Variants in PLCG2 observed in about 807,000 individuals in gnomAD.
PLCG2 encodes phospholipase C gamma 2.
Under a neutral mutation model 175.6 loss-of-function variants are expected in PLCG2, and 69 were observed. The ratio of observed to expected loss-of-function variants is 0.39; its 90% CI spans 0.32 to 0.48. PLCG2 has a LOEUF of 0.48. PLCG2 is among the 20% of genes least tolerant of loss of function. The probability of loss-of-function intolerance (pLI) is 0.91; values close to 1 mark genes in which losing one functional copy is unlikely to be tolerated. For synonymous variants in PLCG2, 827 were observed against 624.0 expected (o/e 1.33, Z -4.85); for missense variants, 1,798 against 1,650.9 (o/e 1.09, Z -1.54).
At position 81,919,683 on chromosome 16, in the gene PLCG2, T is replaced by C. The variant is rs750095064; in HGVS notation, c.2235+19T>C. The C allele has an allele frequency of 1.9e-6, 3 of 1,598,172 alleles. No homozygotes were observed. The highest frequency in any genetic ancestry group is 2.6e-6 in the Non-Finnish European group (3 of 1,167,614). On this transcript the variant is annotated intron_variant, in intron 20 of 32. Coordinates refer to ENST00000564138, the MANE Select transcript of PLCG2 (RefSeq NM_002661.5). Reference sequence around the variant, plus strand: ...CAATATGGTAGGTGGTGGACTCCCTTGTGATTTGGTGGGATTTCTTGTCTG... The same window carrying C: ...CAATATGGTAGGTGGTGGACTCCCTCGTGATTTGGTGGGATTTCTTGTCTG...
chr16:81,822,751 G>T, intron 2 of PLCG2, among the ~76,000 whole-genome samples: 1 of 63,520 alleles, frequency 1.6e-5, no homozygotes, highest in Non-Finnish European at 2.7e-5. Flanking sequence ...ACAAGAGCGA[G>T]ACTCCATCTC....
At chr16:81,946,384 A>G (rs975755126) in intron 31 of PLCG2, 121 bp downstream of exon 31, 5 of 706,122 alleles carry the variant, frequency 7.1e-6, no homozygotes, top group Admixed American at 2.2e-5. Context: ...TAGCCCAAGC[A>G]TGAGACATCA....
chr16:81,777,266 G>T (rs894725089), upstream of PLCG2, among the ~76,000 whole-genome samples: 8 of 152,132 alleles, frequency 5.3e-5, no homozygotes, highest in Non-Finnish European at 1.0e-4. Context: ...CTGATTATAT[G>T]CAATCTCATT....
intron 31 of PLCG2, among the ~76,000 whole-genome samples, chr16:81,951,818 T>C (rs1329578265): frequency 2.0e-5 from 3 of 152,308 alleles, no homozygotes; most frequent in Admixed American, 6.5e-5. Context: ...AACTAGTAGA[T>C]GCCATAAATG....
chr16:81,795,137 C>T (rs568394357), intron 2 of PLCG2, among the ~76,000 whole-genome samples: 1 of 152,248 alleles, frequency 6.6e-6, no homozygotes, highest in African/African-American at 2.4e-5. Context: ...GTGAACAGGA[C>T]CCTGAAGATC....
chr16:81,919,845 G>C (rs1909989892), intron 20 of PLCG2, among the ~76,000 whole-genome samples, 181 bp downstream of exon 20: 1 of 152,172 alleles, frequency 6.6e-6, no homozygotes, highest in African/African-American at 2.4e-5. Flanking sequence ...TGTAGTGTTG[G>C]GGAGATGCAA....
rs1382003632 is a variant in PLCG2, at chr16:81,874,963, T to TGTTC, written c.648+4028_648+4029insGTTC. Among the ~76,000 whole-genome samples, 93 of 56,202 alleles carry TGTTC rather than the reference T, an allele frequency of 1.7e-3. 1 individual carries two copies. Among genetic ancestry groups the TGTTC allele is most frequent in the South Asian group, 3.0e-3 (5 of 1,682 alleles). The allele number at this position is 56,202 out of a possible 152,430, so 36.9% of individuals were successfully genotyped here. Reference sequence around the variant, plus strand: ...TATCCTATGTGTTTTTTTTTTTTTTTTTTTTTTTTTTTTTATTTGAGACAG... The same window carrying TGTTC: ...TATCCTATGTGTTTTTTTTTTTTTTTGTTCTTTTTTTTTTTTTTATTTGAGACAG... On this transcript the variant is annotated intron_variant, in intron 7 of 32. Coordinates refer to ENST00000564138, the MANE Select transcript of PLCG2 (RefSeq NM_002661.5).
chr16:81,816,107 A>T (rs1010062070), intron 2 of PLCG2, among the ~76,000 whole-genome samples: 10 of 150,034 alleles, frequency 6.7e-5, no homozygotes, highest in Admixed American at 1.3e-4. Flanking sequence ...ACGATGGCTT[A>T]TGCCGGTAAT....
chr16:81,767,136 G>GGTTT (rs1273877041), intron 2 of PLCG2, among the ~76,000 whole-genome samples: 2 of 71,726 alleles, frequency 2.8e-5, no homozygotes, highest in African/African-American at 1.2e-4. Flanking sequence ...TAAACTCGTG[G>GGTTT]TTTTTTTTTT....
intron 19 of PLCG2, among the ~76,000 whole-genome samples, chr16:81,912,980 A>G: frequency 6.6e-6 from 1 of 152,220 alleles, no homozygotes; most frequent in South Asian, 2.1e-4. Context: ...CATGACCATG[A>G]TCCGTGTTTC....
Position 81,870,860 on chromosome 16 carries a change from A to G in PLCG2, c.573A>G (p.Gly191=). The change falls in exon 7 of 33, where the codon GGA becomes GGG. Residue 191 remains glycine (G), a synonymous_variant. Coordinates refer to ENST00000564138, the MANE Select transcript of PLCG2 (RefSeq NM_002661.5). ...KFLKDKFVEI[G]AHKDELSFEQ... ...TTTTTTCATATTTACAGGAAATAGG[A>G]GCACACAAAGATGAGCTCAGCTTTG... 6.3e-7 allele frequency: 1 copy of G among 1,589,710 alleles called. No individual in the cohort carries two copies. The highest frequency in any genetic ancestry group is 8.6e-7 in the Non-Finnish European group (1 of 1,164,504).
intron 2 of PLCG2, among the ~76,000 whole-genome samples, chr16:81,760,757 A>AAAAAAT (rs1555562067): frequency 6.8e-6 from 1 of 146,344 alleles, no homozygotes. Flanking sequence ...TTAAAAAAAA[A>AAAAAAT]AATAATAATA....
chr16:81,956,906 A>C, intron 32 of PLCG2, 27 bp downstream of exon 32: 1 of 1,598,072 alleles, frequency 6.3e-7, no homozygotes, highest in Non-Finnish European at 8.6e-7. Context: ...ACCTGCAAAA[A>C]CTTTTGGGGG....
intron 25 of PLCG2, among the ~76,000 whole-genome samples, chr16:81,932,460 T>C (rs1464254298): frequency 6.6e-6 from 1 of 152,214 alleles, no homozygotes; most frequent in Non-Finnish European, 1.5e-5. Context: ...AAAGAAATTG[T>C]AGGGTTTCCC....
intron 7 of PLCG2, among the ~76,000 whole-genome samples, chr16:81,876,822 G>C (rs751241028): frequency 6.6e-6 from 1 of 152,276 alleles, no homozygotes; most frequent in African/African-American, 2.4e-5. Context: ...TGGTAATGCC[G>C]AACATAAATT....
intron 24 of PLCG2, among the ~76,000 whole-genome samples, chr16:81,929,746 G>C (rs1351708745): frequency 6.6e-6 from 1 of 152,230 alleles, no homozygotes; most frequent in Non-Finnish European, 1.5e-5. Flanking sequence ...GATCCAGCAG[G>C]ATAGGTAGGA....
At chr16:81,920,440 A>G (rs1910014178) in intron 20 of PLCG2, among the ~76,000 whole-genome samples, 1 of 152,248 alleles carries the variant, frequency 6.6e-6, no homozygotes, top group Admixed American at 6.5e-5. Context: ...GTTTTCAGGT[A>G]GCATGAAATA....
At chr16:81,795,936 C>A (rs1032749174) in intron 2 of PLCG2, among the ~76,000 whole-genome samples, 1 of 152,248 alleles carries the variant, frequency 6.6e-6, no homozygotes, top group African/African-American at 2.4e-5. Context: ...CATGCCCTAG[C>A]CGCATGCTAG....
At chr16:81,893,663 C>G (rs1056844734) in intron 11 of PLCG2, 46 bp from the exon 12 acceptor site, 12 of 1,192,122 alleles carry the variant, frequency 1.0e-5, no homozygotes, top group Non-Finnish European at 1.5e-5. Context: ...CCCCCCAACC[C>G]CTGTGGCTGC....
Sources: gnomAD v4.1 joint callset for allele counts (sites outside exome capture counted in the v4.1 genomes callset) on GRCh38, gnomAD v4.1.1 for gene constraint, MANE v1.5 for transcripts, NCBI Gene and HGNC (gene_info 2026-07-23, HGNC 2026-07-21) for gene names.